The following NEBL variants were observed in gnomAD, a reference collection of about 807,000 sequenced individuals.
NEBL encodes nebulette, also known as LIM and SH3 protein 2.
A neutral mutation model predicts 140.2 loss-of-function variants in NEBL; 122 were observed. The observed-to-expected ratio is 0.87, with a 90% CI of 0.75 to 1.01. The LOEUF is 1.01. Ranked by LOEUF, NEBL falls within the 50% of genes least tolerant of loss-of-function variation. The pLI is 0.00. For missense variants in NEBL, 1,365 were observed against 1,231.3 expected (o/e 1.11, Z -1.62); for synonymous variants, 436 against 398.9 (o/e 1.09, Z -1.11).
chr10:20,819,592 T>C (rs1489330145), intron 19 of NEBL, 76 bp from the exon 20 acceptor site: 2 of 1,527,312 alleles, frequency 1.3e-6, no homozygotes, highest in Non-Finnish European at 1.8e-6. Context: ...AGATTTTTTT[T>C]AAATGTCACA....
chr10:21,044,305 G>A (rs995584129), intron 2 of NEBL, among the ~76,000 whole-genome samples: 1 of 146,164 alleles, frequency 6.8e-6, no homozygotes, highest in Non-Finnish European at 1.5e-5. Flanking sequence ...GCTGAGGCAG[G>A]AGAATCGCTT....
At chr10:20,946,820 T>C (rs1220990151) in intron 4 of NEBL, among the ~76,000 whole-genome samples, 1 of 152,212 alleles carries the variant, frequency 6.6e-6, no homozygotes, top group Non-Finnish European at 1.5e-5. Context: ...TCAGGGATTC[T>C]AGATGTGGAA....
intron 2 of NEBL, among the ~76,000 whole-genome samples, chr10:21,165,384 T>C (rs983921664): frequency 6.6e-6 from 1 of 152,158 alleles, no homozygotes; most frequent in African/African-American, 2.4e-5. Context: ...AATTCAGGCT[T>C]AATGAACCCT....
chr10:20,852,771 C>A (rs1357679703), intron 9 of NEBL, 122 bp from the exon 10 acceptor site: 5 of 864,370 alleles, frequency 5.8e-6, no homozygotes, highest in Non-Finnish European at 7.5e-6. Flanking sequence ...GCCAAGTCCC[C>A]ATCTGCAGTT....
chr10:20,901,893 T>G (rs1847888344), upstream of NEBL, among the ~76,000 whole-genome samples: 1 of 152,224 alleles, frequency 6.6e-6, no homozygotes, highest in Non-Finnish European at 1.5e-5. Context: ...ATAAATCATT[T>G]CTTGAAAGAA....
Position 20,781,390 on chromosome 10 carries a change from C to G in NEBL, c.*4357G>C, listed in dbSNP as rs1411268007. ...CTGTACAATGGTTCAATTTTGATCA[C>G]AGGTCAAACATCAAGTTTCACACCA... On this transcript the variant is annotated 3_prime_UTR_variant, in exon 28 of 28. Transcript: ENST00000377122. The G allele has an allele frequency of 6.6e-6, 1 of 152,280 alleles. No individual in the cohort carries two copies. The highest frequency in any genetic ancestry group is 1.5e-5 in the Non-Finnish European group (1 of 68,028). 9.4% of individuals were successfully genotyped at this position (152,280 alleles called of 1,614,324 possible).
At chr10:21,030,809 A>C in intron 2 of NEBL, 1 of 358,418 alleles carries the variant, frequency 2.8e-6, no homozygotes, top group African/African-American at 2.1e-5. Context: ...GAAATACGGA[A>C]TTTGTGACAA....
chr10:21,057,298 G>A (rs1835066850), intron 2 of NEBL, among the ~76,000 whole-genome samples: 1 of 152,080 alleles, frequency 6.6e-6, no homozygotes, highest in Non-Finnish European at 1.5e-5. Flanking sequence ...GCAGAGTAAT[G>A]TGTGTAAGTA....
At chr10:21,094,189 T>A (rs773770726) in intron 2 of NEBL, among the ~76,000 whole-genome samples, 2 of 152,094 alleles carry the variant, frequency 1.3e-5, no homozygotes, top group East Asian at 1.9e-4. Context: ...AAACCCCATC[T>A]CTACTAGAAA....
chr10:20,875,454 G>A (rs1304222086), intron 5 of NEBL, among the ~76,000 whole-genome samples: 2 of 152,190 alleles, frequency 1.3e-5, no homozygotes, highest in Non-Finnish European at 2.9e-5. Flanking sequence ...ATGCATATGA[G>A]ATTTTGAAAG....
intron 1 of NEBL, among the ~76,000 whole-genome samples, chr10:21,285,436 C>T (rs1843042957): frequency 6.6e-6 from 1 of 152,182 alleles, no homozygotes; most frequent in African/African-American, 2.4e-5. Flanking sequence ...TACCTGGAAG[C>T]CCTTCCCCAT....
intron 2 of NEBL, among the ~76,000 whole-genome samples, chr10:21,170,879 T>C (rs1357410576): frequency 6.6e-6 from 1 of 152,208 alleles, no homozygotes; most frequent in East Asian, 1.9e-4. Flanking sequence ...AAGCATGAAT[T>C]AACCAAGGGC....
rs1842200126 is a variant in NEBL, at chr10:21,228,284, G to A, written n.348+19637C>T. ...TGCTCCCGCCTCAGCTTCCAGAGTA[G>A]CTGGGACTACAGGTAAAAACCACCA... On this transcript the variant is annotated intron_variant and non_coding_transcript_variant, in intron 3 of 8. Transcript: ENST00000675702. 1.3e-5 allele frequency among the ~76,000 whole-genome samples: 2 copies of A among 152,064 alleles called. 1 individual carries two copies. The highest frequency in any genetic ancestry group is 4.1e-4 in the South Asian group (2 of 4,826).
At chr10:20,812,389 G>A (rs148573370) in intron 24 of NEBL, among the ~76,000 whole-genome samples, 35 of 151,788 alleles carry the variant, frequency 2.3e-4, no homozygotes, top group African/African-American at 8.2e-4. Context: ...TGTTACATAC[G>A]TATACATGTG....
intron 2 of NEBL, among the ~76,000 whole-genome samples, chr10:21,133,305 A>G (rs1470282969): frequency 6.6e-6 from 1 of 152,208 alleles, no homozygotes; most frequent in Non-Finnish European, 1.5e-5. Context: ...TGAAATTACT[A>G]GTTAAATCAC....
chr10:21,011,926 C>T (rs181858355), intron 3 of NEBL, among the ~76,000 whole-genome samples: 2 of 152,232 alleles, frequency 1.3e-5, no homozygotes. Context: ...TCGCCTTCCA[C>T]ACTATGGGAG....
rs146984044 is a variant in NEBL, at chr10:21,084,482, G to T, written c.165-64281C>A. ...AGCCTGTAATCCTAGCTACTGGGGA[G>T]GCTGAGGCATGGGAATCACTTGAAC... On this transcript the variant is annotated intron_variant, in intron 2 of 6. Coordinates refer to the NEBL transcript ENST00000417816. 4.1e-3 allele frequency among the ~76,000 whole-genome samples: 629 copies of T among 152,240 alleles called. 2 individuals carry two copies. The highest frequency in any genetic ancestry group is 0.014 in the African/African-American group (592 of 41,544).
intron 2 of NEBL, among the ~76,000 whole-genome samples, chr10:21,083,237 C>G (rs1836469250): frequency 6.6e-6 from 1 of 152,218 alleles, no homozygotes; most frequent in African/African-American, 2.4e-5. Context: ...TGCTGGACAG[C>G]ATAGCATGAC....
chr10:20,805,621 G>A (rs1837541989), intron 26 of NEBL, among the ~76,000 whole-genome samples: 1 of 152,114 alleles, frequency 6.6e-6, no homozygotes, highest in African/African-American at 2.4e-5. Context: ...GGGAGGCGGA[G>A]GCAAGTGGAG....
Sources: allele counts gnomAD v4.1 joint callset (sites outside exome capture counted in the v4.1 genomes callset), GRCh38; gene constraint gnomAD v4.1.1; transcripts MANE v1.5; gene names NCBI Gene and HGNC (gene_info 2026-07-23, HGNC 2026-07-21).